OTUD7A: variants seen among roughly 807,000 people sequenced by gnomAD.
The protein encoded by OTUD7A is OTU domain-containing protein 7A.
A neutral mutation model predicts 65.7 loss-of-function variants in OTUD7A; 12 were observed. The observed-to-expected ratio is 0.18, with a 90% CI of 0.12 to 0.30. OTUD7A has a LOEUF of 0.30. Ranked by LOEUF, OTUD7A falls within the 10% of genes least tolerant of loss-of-function variation. The probability of loss-of-function intolerance (pLI) is 1.00; values close to 1 mark genes in which losing one functional copy is unlikely to be tolerated. For missense variants in OTUD7A, 1,148 were observed against 1,304.8 expected (o/e 0.88, Z 1.85); for synonymous variants, 641 against 586.3 (o/e 1.09, Z -1.35).
chr15:31,643,914 A>G (rs1891590080), intron 3 of OTUD7A, among the ~76,000 whole-genome samples: 1 of 152,192 alleles, frequency 6.6e-6, no homozygotes, highest in African/African-American at 2.4e-5. Context: ...TTCTAATAGA[A>G]AGCAGCCTGG....
intron 1 of OTUD7A, among the ~76,000 whole-genome samples, chr15:31,720,910 C>T (rs1186012547): frequency 6.6e-6 from 1 of 151,246 alleles, no homozygotes; most frequent in Admixed American, 6.6e-5. Context: ...ATCTTTTACG[C>T]TGTATTTTTA....
chr15:31,782,368 CA>C (rs1347916894), intron 1 of OTUD7A, among the ~76,000 whole-genome samples: 1 of 152,180 alleles, frequency 6.6e-6, no homozygotes, highest in African/African-American at 2.4e-5. Flanking sequence ...CCAGAGGTGG[CA>C]AAAGACTAGG....
intron 8 of OTUD7A, among the ~76,000 whole-genome samples, chr15:31,523,202 T>A (rs1310667288): frequency 6.6e-6 from 1 of 152,236 alleles, no homozygotes; most frequent in Non-Finnish European, 1.5e-5. Flanking sequence ...CTGGGTTAGC[T>A]TCCAGCTGGC....
chr15:31,857,191 C>G (rs1031352395), intron 1 of OTUD7A, among the ~76,000 whole-genome samples: 1 of 152,158 alleles, frequency 6.6e-6, no homozygotes, highest in South Asian at 2.1e-4. Flanking sequence ...ATGAATGCAC[C>G]TGGACAGTCT....
intron 5 of OTUD7A, among the ~76,000 whole-genome samples, chr15:31,555,624 G>A (rs1888463739): frequency 6.6e-6 from 1 of 152,182 alleles, no homozygotes; most frequent in South Asian, 2.1e-4. Context: ...GGCTGTGGGA[G>A]ACCCTTTAGC....
At chr15:31,659,055 ATAAATAAATAAATAAATAAAT>A (rs1282457161) in intron 1 of OTUD7A, among the ~76,000 whole-genome samples, 1 of 97,340 alleles carries the variant, frequency 1.0e-5, no homozygotes, top group African/African-American at 4.7e-5. Context: ...AAATAAATAA[ATAAATAAATAAATAAATAAAT>A]AAATAAAATA....
chr15:31,657,459 C>T (rs1203211369), intron 1 of OTUD7A, among the ~76,000 whole-genome samples: 3 of 151,904 alleles, frequency 2.0e-5, no homozygotes, highest in Non-Finnish European at 4.4e-5. Flanking sequence ...CGGGTTCATG[C>T]CATCCTCCTT....
At chr15:31,747,503 C>T (rs1278145097) in intron 1 of OTUD7A, among the ~76,000 whole-genome samples, 2 of 152,120 alleles carry the variant, frequency 1.3e-5, no homozygotes, top group Admixed American at 1.3e-4. Context: ...GGATTCCCCA[C>T]CCATCAAATC....
intron 1 of OTUD7A, among the ~76,000 whole-genome samples, chr15:31,658,954 C>A (rs1892072435): frequency 6.6e-6 from 1 of 150,724 alleles, no homozygotes; most frequent in Non-Finnish European, 1.5e-5. Context: ...ATTGCTTGAA[C>A]CTGAGAGGTG....
chr15:31,803,749 C>G (rs1011718517), intron 1 of OTUD7A, among the ~76,000 whole-genome samples: 1 of 152,224 alleles, frequency 6.6e-6, no homozygotes, highest in Non-Finnish European at 1.5e-5. Context: ...CTGTGACCAT[C>G]TGAGAGCAAC....
At position 31,755,940 on chromosome 15, in the gene OTUD7A, C is replaced by T. The variant is rs558107790; in HGVS notation, c.-99-98863G>A. 2.0e-3 allele frequency among the ~76,000 whole-genome samples: 298 copies of T among 152,236 alleles called. 1 individual carries two copies. Among genetic ancestry groups the T allele is most frequent in the African/African-American group, 6.8e-3 (282 of 41,534 alleles). Reference sequence around the variant, plus strand: ...TGGCTGGTGTTGTCTACCTGGTGTCCGCTAGAAAGGGGTTATGGGCTTAAG... The same window carrying T: ...TGGCTGGTGTTGTCTACCTGGTGTCTGCTAGAAAGGGGTTATGGGCTTAAG... On this transcript the variant is annotated intron_variant, in intron 1 of 12. Transcript: ENST00000307050.
chr15:31,519,000 A>T (rs1399872210), intron 8 of OTUD7A, among the ~76,000 whole-genome samples: 2 of 152,232 alleles, frequency 1.3e-5, no homozygotes, highest in Non-Finnish European at 2.9e-5. Context: ...GCTCTGAAAG[A>T]CCTTCTAGCA....
intron 1 of OTUD7A, among the ~76,000 whole-genome samples, chr15:31,869,428 C>T (rs753018202): frequency 1.3e-5 from 2 of 152,202 alleles, no homozygotes; most frequent in Admixed American, 6.5e-5. Context: ...AAGATTTAGG[C>T]CCCGCTGTCA....
intron 1 of OTUD7A, among the ~76,000 whole-genome samples, chr15:31,659,935 C>T (rs1176563076): frequency 6.6e-6 from 1 of 152,272 alleles, no homozygotes; most frequent in Non-Finnish European, 1.5e-5. Flanking sequence ...CCTGGAAAGG[C>T]TACTTCATTT....
At chr15:31,505,396 T>C (rs1002582057) in intron 8 of OTUD7A, among the ~76,000 whole-genome samples, 49 of 152,214 alleles carry the variant, frequency 3.2e-4, no homozygotes, top group African/African-American at 1.1e-3. Flanking sequence ...ATATAAAGTA[T>C]ACTGATTTTT....
chr15:31,622,016 C>G (rs1307342139), intron 3 of OTUD7A, among the ~76,000 whole-genome samples: 1 of 152,162 alleles, frequency 6.6e-6, no homozygotes, highest in Non-Finnish European at 1.5e-5. Context: ...TTCTCCTTCA[C>G]TTATGAAGCT....
intron 8 of OTUD7A, among the ~76,000 whole-genome samples, chr15:31,523,965 G>A (rs555534011): frequency 8.5e-5 from 13 of 152,200 alleles, no homozygotes; most frequent in African/African-American, 3.1e-4. Context: ...CCAGTCCATG[G>A]GACTCAGCCA....
chr15:31,753,730 T>TATA (rs1894728397), intron 1 of OTUD7A, among the ~76,000 whole-genome samples: 2 of 133,382 alleles, frequency 1.5e-5, no homozygotes, highest in African/African-American at 3.0e-5. Flanking sequence ...ATTATATATA[T>TATA]ATATATATAT....
chr15:31,652,978 C>G (rs1457495912), intron 3 of OTUD7A, among the ~76,000 whole-genome samples: 1 of 152,148 alleles, frequency 6.6e-6, no homozygotes, highest in East Asian at 1.9e-4. Flanking sequence ...AGGCCAGGCA[C>G]AGTGGCTCAC....
Sources: allele counts gnomAD v4.1 joint callset (sites outside exome capture counted in the v4.1 genomes callset), GRCh38; gene constraint gnomAD v4.1.1; transcripts MANE v1.5; gene names NCBI Gene and HGNC (gene_info 2026-07-23, HGNC 2026-07-21).